STXBP5L: variants seen among roughly 807,000 people sequenced by gnomAD.
The protein encoded by STXBP5L is syntaxin binding protein 5L, also known as syntaxin-binding protein 5-like.
A neutral mutation model predicts 144.5 loss-of-function variants in STXBP5L; 65 were observed. That is an observed-to-expected ratio of 0.45 (90% CI 0.37 to 0.55). The LOEUF (loss-of-function observed/expected upper bound fraction) is 0.55, where lower values mean the gene tolerates loss of function less well. Among genes scored for constraint, STXBP5L ranks in the 20% least tolerant of loss-of-function variants. The pLI is 0.00. For missense variants in STXBP5L, 1,298 were observed against 1,405.5 expected, an observed-to-expected ratio of 0.92 and a Z score of 1.22; for synonymous variants, 505 against 469.6, an observed-to-expected ratio of 1.08 and a Z score of -0.97.
chr3:121,001,035 C>T (rs1404999048), intron 3 of STXBP5L, among the ~76,000 whole-genome samples: 1 of 152,164 alleles, frequency 6.6e-6, no homozygotes, highest in Non-Finnish European at 1.5e-5. Context: ...GGTCCTCTGG[C>T]AATGATACTG....
At chr3:121,000,370 T>C (rs578143170) in intron 3 of STXBP5L, among the ~76,000 whole-genome samples, 70 of 152,320 alleles carry the variant, frequency 4.6e-4, no homozygotes, top group Non-Finnish European at 5.4e-4. Flanking sequence ...CTTTGAGTTC[T>C]GAGGCTCTTT....
intron 8 of STXBP5L, among the ~76,000 whole-genome samples, chr3:121,153,475 G>A (rs549739767): frequency 3.5e-4 from 53 of 151,992 alleles, no homozygotes; most frequent in African/African-American, 1.1e-3. Context: ...ATAATTTAAA[G>A]CAGCACTGAA....
chr3:120,988,915 T>A (rs1942565167), intron 3 of STXBP5L, among the ~76,000 whole-genome samples: 1 of 152,128 alleles, frequency 6.6e-6, no homozygotes, highest in Non-Finnish European at 1.5e-5. Flanking sequence ...GAACATGTGA[T>A]ATTTGACTTT....
intron 5 of STXBP5L, among the ~76,000 whole-genome samples, chr3:121,105,110 C>A (rs1432407662): frequency 1.3e-5 from 2 of 151,974 alleles, no homozygotes; most frequent in Middle Eastern, 3.4e-3. Context: ...AAAAGATGTA[C>A]AAGTGGACTG....
chr3:121,193,522 T>C (rs535623266), intron 9 of STXBP5L, among the ~76,000 whole-genome samples: 100 of 152,238 alleles, frequency 6.6e-4, no homozygotes, highest in African/African-American at 2.3e-3. Context: ...AACATGTACA[T>C]GTATGTTTAT....
chr3:121,359,515 A>G (rs1177597630), intron 20 of STXBP5L, among the ~76,000 whole-genome samples: 1 of 152,052 alleles, frequency 6.6e-6, no homozygotes, highest in Admixed American at 6.6e-5. Flanking sequence ...GTTGCATAAG[A>G]AGCCTTTGCC....
chr3:121,371,901 G>A (rs1236016395), intron 20 of STXBP5L, among the ~76,000 whole-genome samples: 2 of 152,208 alleles, frequency 1.3e-5, no homozygotes, highest in Non-Finnish European at 1.5e-5. Context: ...GTACCGCTGG[G>A]AGAAGTGGGA....
chr3:121,117,597 A>G (rs1187260584), intron 6 of STXBP5L, among the ~76,000 whole-genome samples: 4 of 151,860 alleles, frequency 2.6e-5, no homozygotes, highest in Admixed American at 2.0e-4. Flanking sequence ...CATTTAATAA[A>G]TATAATTTTA....
chr3:121,156,393 T>G (rs570194844), intron 8 of STXBP5L, among the ~76,000 whole-genome samples: 3 of 152,126 alleles, frequency 2.0e-5, no homozygotes, highest in Middle Eastern at 3.4e-3. Context: ...CTCTTGCTGT[T>G]TTATAAGTGT....
At chr3:120,996,793 C>G (rs1470917768) in intron 3 of STXBP5L, among the ~76,000 whole-genome samples, 1 of 152,142 alleles carries the variant, frequency 6.6e-6, no homozygotes, top group Non-Finnish European at 1.5e-5. Flanking sequence ...GAAATTCCCA[C>G]TTTTCTTGCT....
rs541820149 is a variant in STXBP5L at position 121,192,510 on chromosome 3, C to G, written c.878-13413C>G. ...TGGAACCAAAAAAGAGCCCACATTA[C>G]CAAGACAATCCAAAGCCAAAAGAAC... is the stretch of plus-strand genomic sequence containing the variant. On this transcript the variant is annotated intron_variant, in intron 9 of 26. Transcript: ENST00000471454. 2.8e-4 allele frequency among the ~76,000 whole-genome samples: 43 copies of G among 152,248 alleles called. No homozygotes were observed. In the South Asian group the frequency reaches 8.9e-3, roughly 32 times the overall value.
chr3:121,304,522 T>C (rs1380530906), intron 19 of STXBP5L, among the ~76,000 whole-genome samples: 1 of 152,188 alleles, frequency 6.6e-6, no homozygotes, highest in Non-Finnish European at 1.5e-5. Context: ...GAATGTGTTC[T>C]CTGGCCACAA....
At position 120,954,887 on chromosome 3, in the gene STXBP5L, A is replaced by T; in HGVS notation, c.190-53A>T. ...GGTGGCTATATAATGGTATCTTGTG[A>T]TTGTAATTTTTATTTCCCTAGAGAC... On this transcript the variant is annotated intron_variant, in intron 2 of 26. Transcript: ENST00000471454. The T allele has an allele frequency of 1.4e-6, 2 of 1,471,832 alleles. 1 individual carries two copies. The highest frequency in any genetic ancestry group is 2.4e-5 in the South Asian group (2 of 82,192). The allele number at this position is 1,471,832 out of a possible 1,614,324, so 91.2% of individuals were successfully genotyped here.
intron 19 of STXBP5L, among the ~76,000 whole-genome samples, chr3:121,290,773 A>T (rs1484265203): frequency 1.3e-5 from 2 of 152,198 alleles, no homozygotes; most frequent in South Asian, 4.1e-4. Context: ...AATAAATGTG[A>T]TACATCACGA....
At chr3:121,356,879 G>A (rs1158609172) in intron 20 of STXBP5L, 2 of 152,954 alleles carry the variant, frequency 1.3e-5, no homozygotes, top group Non-Finnish European at 2.9e-5. Flanking sequence ...ATAAAAAGTG[G>A]TATAACTGGC....
At chr3:121,361,760 G>T (rs1473557811) in intron 20 of STXBP5L, among the ~76,000 whole-genome samples, 1 of 151,692 alleles carries the variant, frequency 6.6e-6, no homozygotes, top group Non-Finnish European at 1.5e-5. Flanking sequence ...TATATGAAAG[G>T]TCACATATCT....
intron 11 of STXBP5L, among the ~76,000 whole-genome samples, chr3:121,233,246 C>T (rs1298577239): frequency 7.9e-5 from 12 of 152,118 alleles, no homozygotes; most frequent in Admixed American, 7.2e-4. Flanking sequence ...TCCCTCAGTA[C>T]ATCTCCTTGT....
chr3:121,090,574 T>C (rs1321937388), intron 5 of STXBP5L, among the ~76,000 whole-genome samples: 1 of 152,130 alleles, frequency 6.6e-6, no homozygotes, highest in Non-Finnish European at 1.5e-5. Context: ...AGAAAGGGAA[T>C]GAGTTTAGTT....
intron 7 of STXBP5L, among the ~76,000 whole-genome samples, chr3:121,150,564 T>A (rs547583787): frequency 6.6e-6 from 1 of 152,288 alleles, no homozygotes; most frequent in South Asian, 2.1e-4. Context: ...TGTGATTTAC[T>A]GGGGCTATTG....
Sources: allele counts gnomAD v4.1 joint callset (sites outside exome capture counted in the v4.1 genomes callset), GRCh38; gene constraint gnomAD v4.1.1; transcripts MANE v1.5; gene names NCBI Gene and HGNC (gene_info 2026-07-23, HGNC 2026-07-21).